AHCTF1: variants seen among roughly 807,000 people sequenced by gnomAD.
The protein encoded by AHCTF1 is AT-hook containing transcription factor 1, also known as protein ELYS.
Under a neutral mutation model 248.4 loss-of-function variants are expected in AHCTF1, and 24 were observed. The ratio of observed to expected loss-of-function variants is 0.10; its 90% confidence interval spans 0.07 to 0.14. The LOEUF is 0.14. AHCTF1 is among the 10% of genes least tolerant of loss of function. The pLI is 1.00. For missense variants in AHCTF1, 2,206 were observed against 2,636.2 expected (o/e 0.84, Z 3.57); for synonymous variants, 786 against 929.8 (o/e 0.85, Z 2.81).
intron 27 of AHCTF1, among the ~76,000 whole-genome samples, chr1:246,863,178 T>A (rs1661701854): frequency 6.6e-6 from 1 of 152,206 alleles, no homozygotes; most frequent in South Asian, 2.1e-4. Flanking sequence ...TCAACTTATT[T>A]TAATAAGTAT....
At chr1:246,891,327 A>G (rs1410832235) in intron 15 of AHCTF1, among the ~76,000 whole-genome samples, 3 of 152,156 alleles carry the variant, frequency 2.0e-5, no homozygotes, top group Admixed American at 6.5e-5. Context: ...ATACACTTTC[A>G]CCTCAGCTAC....
At chr1:246,869,582 CT>C (rs1362204289) in intron 24 of AHCTF1, among the ~76,000 whole-genome samples, 4 of 152,082 alleles carry the variant, frequency 2.6e-5, no homozygotes, top group African/African-American at 9.7e-5. Flanking sequence ...TCCAAAATTC[CT>C]AAGGCCCTTA....
rs141244743 is a variant in AHCTF1, at chr1:246,870,519, C to T, written c.3089-2708G>A. Reference sequence around the variant, plus strand: ...GAATTGCTTCTTACAGATAGGCAAACAAGTGGTTTCTTGAGACAGAATCTA... The same window carrying T: ...GAATTGCTTCTTACAGATAGGCAAATAAGTGGTTTCTTGAGACAGAATCTA... On this transcript the variant is annotated intron_variant, in intron 24 of 35. Transcript: ENST00000648844. Among the ~76,000 whole-genome samples, 27 of 152,104 alleles carry T rather than the reference C, an allele frequency of 1.8e-4. No individual in the cohort carries two copies. In the East Asian group the frequency reaches 4.3e-3, roughly 24 times the overall value.
At chr1:246,880,211 AAT>A (rs970772845) in intron 21 of AHCTF1, among the ~76,000 whole-genome samples, 7 of 151,108 alleles carry the variant, frequency 4.6e-5, no homozygotes, top group African/African-American at 1.5e-4. Context: ...TATCAAAAAC[AAT>A]ATGTTATTTG....
chr1:246,926,913 G>A (rs556844378), intron 1 of AHCTF1, among the ~76,000 whole-genome samples: 12 of 152,024 alleles, frequency 7.9e-5, no homozygotes, highest in East Asian at 3.9e-4. Context: ...GGTGGCACAC[G>A]CCTGTAATCC....
chr1:246,847,773 G>A (rs1487993827), intron 33 of AHCTF1, among the ~76,000 whole-genome samples: 2 of 152,102 alleles, frequency 1.3e-5, no homozygotes, highest in Non-Finnish European at 2.9e-5. Flanking sequence ...TGAAAAATAG[G>A]TAAAGATGAC....
intron 11 of AHCTF1, among the ~76,000 whole-genome samples, 190 bp downstream of exon 11, chr1:246,899,261 T>C (rs1055224023): frequency 6.6e-6 from 1 of 152,146 alleles, no homozygotes; most frequent in Non-Finnish European, 1.5e-5. Flanking sequence ...GCTAAAAACA[T>C]ACAATACGTC....
intron 12 of AHCTF1, among the ~76,000 whole-genome samples, chr1:246,897,236 C>G (rs1028267275): frequency 1.4e-4 from 21 of 152,068 alleles, no homozygotes; most frequent in African/African-American, 4.6e-4. Context: ...TCACCTGAAC[C>G]CAGGAGGTTG....
At chr1:246,920,142 CAAAAAAAAAAAAAAAA>C (rs68194249) in intron 1 of AHCTF1, among the ~76,000 whole-genome samples, 2 of 40,804 alleles carry the variant, frequency 4.9e-5, no homozygotes, top group East Asian at 9.5e-4. Context: ...CTGTCCCCCG[CAAAAAAAAAAAAAAAA>C]AAAAAAAAAA....
intron 8 of AHCTF1, among the ~76,000 whole-genome samples, 185 bp downstream of exon 8, chr1:246,902,340 T>C (rs1297119394): frequency 6.6e-6 from 1 of 152,210 alleles, no homozygotes; most frequent in Non-Finnish European, 1.5e-5. Context: ...TCTATTTTAT[T>C]GTTTAGTTAT....
intron 1 of AHCTF1, among the ~76,000 whole-genome samples, chr1:246,924,114 C>T (rs1251444378): frequency 6.6e-6 from 1 of 152,154 alleles, no homozygotes; most frequent in African/African-American, 2.4e-5. Flanking sequence ...CAGCCCAAGC[C>T]ATTCTCACAG....
In AHCTF1 at chr1:246,855,832, A is replaced by T; in HGVS notation, c.4257-5T>A. On this transcript the variant is annotated splice_region_variant and splice_polypyrimidine_tract_variant and intron_variant, in intron 30 of 35. Coordinates refer to ENST00000648844, the MANE Select transcript of AHCTF1 (RefSeq NM_001323342.2). Reference sequence around the variant, plus strand: ...GACTTCTGGGTGAAGATTTTCCTTTAGAAAAAGAAATACATACCTTAGTGT... The same window carrying T: ...GACTTCTGGGTGAAGATTTTCCTTTTGAAAAAGAAATACATACCTTAGTGT... The T allele has an allele frequency of 8.1e-6, 13 of 1,609,610 alleles. No individual in the cohort carries two copies. The highest frequency in any genetic ancestry group is 1.1e-5 in the Non-Finnish European group (13 of 1,176,654).
Position 246,890,979 on chromosome 1 carries a change from G to T in AHCTF1, c.2027C>A (p.Ser676Tyr). The T allele has an allele frequency of 6.5e-7, 1 of 1,544,210 alleles. No homozygotes were observed. The highest frequency in any genetic ancestry group is 8.7e-7 in the Non-Finnish European group (1 of 1,152,320). ...ACCTATGCCTTCTGGTAAAAGCCCA[G>T]AATGAGAGAACCAAAGAACCACTTG... ...YAQVVLWFSH[S>Y]GLLPEGIDDS... Residue 676 changes from serine to tyrosine, a missense_variant, in exon 16 of 36, where the codon TCT becomes TAT. By Grantham distance (144) the Ser-to-Tyr change is moderately radical (BLOSUM62 -2). Around this residue, in one of 6 missense-constraint regions of AHCTF1, gnomAD observed 650 missense variants for 870.8 expected, o/e 0.75. Coordinates refer to ENST00000648844, the MANE Select transcript of AHCTF1 (RefSeq NM_001323342.2).
intron 1 of AHCTF1, among the ~76,000 whole-genome samples, chr1:246,922,845 T>C (rs1030706659): frequency 3.2e-4 from 48 of 150,102 alleles, no homozygotes; most frequent in Non-Finnish European, 6.7e-4. Context: ...TAGCCGGGCG[T>C]GGTGGCAGGC....
At chr1:246,872,697 C>T (rs1380063232) in intron 24 of AHCTF1, among the ~76,000 whole-genome samples, 1 of 152,188 alleles carries the variant, frequency 6.6e-6, no homozygotes, top group Non-Finnish European at 1.5e-5. Context: ...TCCTTCCCAT[C>T]GCACTATCAT....
intron 1 of AHCTF1, among the ~76,000 whole-genome samples, chr1:246,925,906 C>CG (rs1033277991): frequency 2.0e-5 from 3 of 152,040 alleles, no homozygotes; most frequent in African/African-American, 7.2e-5. Context: ...CTCATCTCTA[C>CG]GAAAAATAAT....
At chr1:246,927,415 G>A (rs1225754096) in intron 1 of AHCTF1, among the ~76,000 whole-genome samples, 1 of 152,184 alleles carries the variant, frequency 6.6e-6, no homozygotes, top group Non-Finnish European at 1.5e-5. Context: ...CTTGAACCGG[G>A]GAGGTGGAGG....
intron 12 of AHCTF1, among the ~76,000 whole-genome samples, chr1:246,896,338 C>T (rs559910266): frequency 6.6e-6 from 1 of 152,166 alleles, no homozygotes; most frequent in South Asian, 2.1e-4. Flanking sequence ...TGTAGATAAA[C>T]AAATTATGGT....
chr1:246,876,214 A>G (rs750428516), intron 23 of AHCTF1, 27 bp from the exon 24 acceptor site: 10 of 1,526,598 alleles, frequency 6.6e-6, no homozygotes, highest in Non-Finnish European at 8.9e-6. Flanking sequence ...TTGGTAAAAA[A>G]TTTAACCTTC....
Sources: gnomAD v4.1 joint callset for allele counts (sites outside exome capture counted in the v4.1 genomes callset) on GRCh38, gnomAD v4.1.1 for gene constraint, gnomAD v4.1.1 regional missense constraint, MANE v1.5 for transcripts, NCBI Gene and HGNC (gene_info 2026-07-23, HGNC 2026-07-21) for gene names.